RNF217: variants seen among roughly 807,000 people sequenced by gnomAD.
RNF217 encodes the protein E3 ubiquitin-protein ligase RNF217.
In RNF217, 31 loss-of-function variants were observed where a neutral mutation model predicts 57.8. That is an observed-to-expected ratio of 0.54 (90% CI 0.40 to 0.72). The LOEUF is 0.72. Among genes scored for constraint, RNF217 ranks in the 30% least tolerant of loss-of-function variants. The probability of loss-of-function intolerance (pLI) is 0.00; values close to 1 mark genes in which losing one functional copy is unlikely to be tolerated. For synonymous variants in RNF217, 313 were observed against 294.0 expected (o/e 1.06, Z -0.66); for missense variants, 696 against 708.3 (o/e 0.98, Z 0.20).
chr6:124,981,723 A>C (rs1784169246), intron 1 of RNF217, among the ~76,000 whole-genome samples: 1 of 152,136 alleles, frequency 6.6e-6, no homozygotes, highest in Non-Finnish European at 1.5e-5. Flanking sequence ...TGTTTAACAT[A>C]GAGTAAAGAT....
In RNF217 at chr6:125,019,834, G is replaced by T. The variant is rs543224804; in HGVS notation, c.883-25377G>T. Reference sequence around the variant, plus strand: ...TGCTTGATGTCCCCTTTTTTGCAGTGGGGGGGGAGTGAAAAAATCCTTTAT... The same window carrying T: ...TGCTTGATGTCCCCTTTTTTGCAGTTGGGGGGGAGTGAAAAAATCCTTTAT... On this transcript the variant is annotated intron_variant, in intron 1 of 5. Transcript: ENST00000521654. 3.5e-5 allele frequency among the ~76,000 whole-genome samples: 5 copies of T among 141,592 alleles called. No homozygotes were observed. The East Asian group carries it at 6.1e-4, about 17-fold the overall frequency. 92.9% of individuals were successfully genotyped at this position (141,592 alleles called of 152,430 possible). A position where few individuals can be genotyped will look rare whatever the true frequency, so the allele number is the denominator to read the frequency against.
In RNF217 at chr6:124,963,312, G is replaced by T; in HGVS notation, c.768G>T (p.Val256=). 2 of 1,535,474 alleles carry T rather than the reference G, an allele frequency of 1.3e-6. No homozygotes were observed. Among genetic ancestry groups the T allele is most frequent in the Non-Finnish European group, 1.7e-6 (2 of 1,146,622 alleles). The part of the protein sequence containing the change: ...SGLGGVGDPY[V]PLMVLMCRVC... The stretch of plus-strand genomic sequence containing the variant: ...TGGGCGGTGTAGGGGATCCCTATGT[G>T]CCCCTCATGGTGCTGATGTGCCGGG... The change falls in exon 1 of 6, where the codon GTG becomes GTT. Residue 256 remains valine, a synonymous_variant. Transcript: ENST00000521654.
chr6:125,009,352 C>G (rs1387131592), intron 1 of RNF217: 1 of 1,008,094 alleles, frequency 9.9e-7, no homozygotes, highest in African/African-American at 1.6e-5. Flanking sequence ...TTCAAAACAC[C>G]TCCTGTGAAG....
At chr6:125,067,794 G>T (rs929182630) in intron 3 of RNF217, among the ~76,000 whole-genome samples, 2 of 152,070 alleles carry the variant, frequency 1.3e-5, no homozygotes, top group African/African-American at 4.8e-5. Context: ...ACCTTTGTTG[G>T]AATAAAGTTG....
In RNF217 at chr6:124,981,862, CA is replaced by C. The variant is rs763581953; in HGVS notation, c.882+18451del. Among the ~76,000 whole-genome samples, 597 of 128,224 alleles carry C rather than the reference CA, an allele frequency of 4.7e-3. 1 individual carries two copies. The highest frequency in any genetic ancestry group is 0.012 in the Middle Eastern group (3 of 250). 84.1% of individuals were successfully genotyped at this position (128,224 alleles called of 152,430 possible). A position where few individuals can be genotyped will look rare whatever the true frequency, so the allele number is the denominator to read the frequency against. On this transcript the variant is annotated intron_variant, in intron 1 of 5. Coordinates refer to ENST00000521654, the MANE Select transcript of RNF217 (RefSeq NM_001286398.3). ...TGAAACCCTGTCTCTACTAAAAATA[CA>C]AAAAAAAAAAAAAATTTGGCCGGGC...
In RNF217 at chr6:125,090,082, T is replaced by G. The variant is rs1200894699; in HGVS notation, c.*7145T>G. The G allele has an allele frequency of 1.3e-5, 2 of 152,104 alleles. No individual in the cohort carries two copies. The highest frequency in any genetic ancestry group is 6.6e-5 in the Admixed American group (1 of 15,254). The allele number at this position is 152,104 out of a possible 1,614,324, so 9.4% of individuals were successfully genotyped here. ...CTCCTCAATAGCTTACTTTTATTATTTGATCATTTTCATCACAATTGCAAT... is the reference window on the plus strand; with the variant it reads ...CTCCTCAATAGCTTACTTTTATTATGTGATCATTTTCATCACAATTGCAAT... On this transcript the variant is annotated 3_prime_UTR_variant, in exon 6 of 6. Transcript: ENST00000521654.
rs1404485054 is a variant in RNF217, at chr6:125,088,605, C to CTA, written c.*5676_*5677dup. 1.3e-5 allele frequency: 2 copies of CTA among 152,054 alleles called. No homozygotes were observed. Among genetic ancestry groups the CTA allele is most frequent in the African/African-American group, 4.8e-5 (2 of 41,412 alleles). 9.4% of individuals were successfully genotyped at this position (152,054 alleles called of 1,614,324 possible). On this transcript the variant is annotated 3_prime_UTR_variant, in exon 6 of 6. Coordinates refer to ENST00000521654, the MANE Select transcript of RNF217 (RefSeq NM_001286398.3). Reference sequence around the variant, plus strand: ...AGAATGTAATTATGCATGTTACAAACTATATATATCTTTTTGGCTAGAGAA... The same window carrying CTA: ...AGAATGTAATTATGCATGTTACAAACTATATATATATCTTTTTGGCTAGAGAA...
chr6:125,041,042 G>A (rs761566852), intron 1 of RNF217, among the ~76,000 whole-genome samples: 34 of 152,140 alleles, frequency 2.2e-4, no homozygotes, highest in Non-Finnish European at 4.6e-4. Context: ...ACAAGACAAG[G>A]ATGCTCTCTC....
At chr6:124,973,164 T>A (rs946642050) in intron 1 of RNF217, among the ~76,000 whole-genome samples, 2 of 152,180 alleles carry the variant, frequency 1.3e-5, no homozygotes, top group Non-Finnish European at 2.9e-5. Flanking sequence ...CTGTAAGACC[T>A]CCTCATTGCT....
chr6:124,987,668 G>T lies in RNF217; in HGVS notation c.882+24242G>T, dbSNP rs149769103. Among the ~76,000 whole-genome samples the T allele has an allele frequency of 6.7e-3, 1,023 of 152,160 alleles. 10 individuals carry two copies. The highest frequency in any genetic ancestry group is 0.024 in the African/African-American group (980 of 41,508). On this transcript the variant is annotated intron_variant, in intron 1 of 5. Coordinates refer to ENST00000521654, the MANE Select transcript of RNF217 (RefSeq NM_001286398.3). ...TTATTTGCTTATTTTTAGAGACAGAGTCTGGCTATGTTGTCCAGGCTGGCT... is the reference window on the plus strand; with the variant it reads ...TTATTTGCTTATTTTTAGAGACAGATTCTGGCTATGTTGTCCAGGCTGGCT...
chr6:125,072,139 A>G (rs1025693966), intron 3 of RNF217, among the ~76,000 whole-genome samples: 1 of 152,222 alleles, frequency 6.6e-6, no homozygotes, highest in Admixed American at 6.5e-5. Context: ...ATCCCCTGGT[A>G]GTACGAGTTT....
chr6:124,976,894 T>C (rs1405592938), intron 1 of RNF217, among the ~76,000 whole-genome samples: 1 of 152,226 alleles, frequency 6.6e-6, no homozygotes, highest in Non-Finnish European at 1.5e-5. Flanking sequence ...TTTTGACTCA[T>C]GGAGGCTTTT....
intron 1 of RNF217, among the ~76,000 whole-genome samples, chr6:125,018,806 A>G (rs1183963614): frequency 6.6e-6 from 1 of 152,042 alleles, no homozygotes; most frequent in Non-Finnish European, 1.5e-5. Flanking sequence ...CCTCTCCCAG[A>G]GTAATGAAGA....
At chr6:125,066,599 A>G (rs770907474) in intron 3 of RNF217, among the ~76,000 whole-genome samples, 2 of 152,062 alleles carry the variant, frequency 1.3e-5, no homozygotes, top group Non-Finnish European at 2.9e-5. Flanking sequence ...TCCCTTGGTC[A>G]CCTTATCTAA....
intron 3 of RNF217, among the ~76,000 whole-genome samples, chr6:125,061,436 A>T (rs1787728909): frequency 6.6e-6 from 1 of 150,948 alleles, no homozygotes; most frequent in Non-Finnish European, 1.5e-5. Flanking sequence ...TGTATTTTTG[A>T]GTTTGTAATG....
At chr6:125,018,554 A>G (rs1287610503) in intron 1 of RNF217, among the ~76,000 whole-genome samples, 1 of 152,234 alleles carries the variant, frequency 6.6e-6, no homozygotes, top group Non-Finnish European at 1.5e-5. Context: ...AAAAGCCAAC[A>G]GTGAACCAGA....
chr6:125,085,178 A>G lies in RNF217; in HGVS notation c.*2241A>G, dbSNP rs1788737517. On this transcript the variant is annotated 3_prime_UTR_variant, in exon 6 of 6. Coordinates refer to ENST00000521654, the MANE Select transcript of RNF217 (RefSeq NM_001286398.3). ...TCTGTTGTCTTTGGCCTACTCAGGGATTTTTATTTCTTTAAATAACTTATC... is the reference window on the plus strand; with the variant it reads ...TCTGTTGTCTTTGGCCTACTCAGGGGTTTTTATTTCTTTAAATAACTTATC... 6.6e-6 allele frequency: 1 copy of G among 151,756 alleles called. No individual in the cohort carries two copies. Among genetic ancestry groups the G allele is most frequent in the Non-Finnish European group, 1.5e-5 (1 of 67,818 alleles). 9.4% of individuals were successfully genotyped at this position (151,756 alleles called of 1,614,324 possible).
At chr6:125,076,017 G>A (rs1788352987) in intron 3 of RNF217, among the ~76,000 whole-genome samples, 1 of 151,990 alleles carries the variant, frequency 6.6e-6, no homozygotes, top group Admixed American at 6.6e-5. Context: ...TTACATGATG[G>A]GTGAAGCTGT....
chr6:124,972,405 C>T (rs1783797424), intron 1 of RNF217, among the ~76,000 whole-genome samples: 2 of 152,188 alleles, frequency 1.3e-5, no homozygotes, highest in African/African-American at 4.8e-5. Context: ...TTACTCTCCA[C>T]ACATATGCCA....
Sources: allele counts gnomAD v4.1 joint callset (sites outside exome capture counted in the v4.1 genomes callset), GRCh38; gene constraint gnomAD v4.1.1; transcripts MANE v1.5; gene names NCBI Gene and HGNC (gene_info 2026-07-23, HGNC 2026-07-21).